The following SMAP1 variants were observed in gnomAD, a reference collection of about 807,000 sequenced individuals.
SMAP1 encodes stromal membrane-associated protein 1.
Under a neutral mutation model 58.5 loss-of-function variants are expected in SMAP1, and 24 were observed. The ratio of observed to expected loss-of-function variants is 0.41; its 90% CI spans 0.30 to 0.58. The LOEUF is 0.58. SMAP1 is among the 20% of genes least tolerant of loss of function. The probability of loss-of-function intolerance (pLI) is 0.29; values close to 1 mark genes in which losing one functional copy is unlikely to be tolerated. For synonymous variants in SMAP1, 216 were observed against 196.6 expected (o/e 1.10, Z -0.82); for missense variants, 563 against 566.3 (o/e 0.99, Z 0.06).
At chr6:70,731,407 C>T (rs1389771686) in intron 1 of SMAP1, among the ~76,000 whole-genome samples, 1 of 152,130 alleles carries the variant, frequency 6.6e-6, no homozygotes, top group Non-Finnish European at 1.5e-5. Context: ...AACTGAAGAA[C>T]TAACATTTTG....
At chr6:70,676,015 T>A (rs950623669) in intron 1 of SMAP1, among the ~76,000 whole-genome samples, 2 of 152,236 alleles carry the variant, frequency 1.3e-5, no homozygotes, top group African/African-American at 4.8e-5. Context: ...GAGTCTCTGA[T>A]GAGCATCCCT....
intron 1 of SMAP1, among the ~76,000 whole-genome samples, chr6:70,713,347 A>G (rs1311379469): frequency 6.6e-6 from 1 of 151,898 alleles, no homozygotes; most frequent in Non-Finnish European, 1.5e-5. Context: ...CTTGAGGTGT[A>G]TAGTTAGGTT....
intron 1 of SMAP1, among the ~76,000 whole-genome samples, chr6:70,686,403 A>G (rs920269065): frequency 6.6e-6 from 1 of 152,192 alleles, no homozygotes; most frequent in Admixed American, 6.5e-5. Flanking sequence ...TTTGTTTCGC[A>G]GCGGAAGGAA....
At chr6:70,832,682 A>G (rs1431142184) in intron 6 of SMAP1, among the ~76,000 whole-genome samples, 1 of 152,162 alleles carries the variant, frequency 6.6e-6, no homozygotes, top group Non-Finnish European at 1.5e-5. Context: ...GTATCATCCC[A>G]TGGTTGGAAG....
chr6:70,857,242 A>C, intron 9 of SMAP1: 1 of 411,888 alleles, frequency 2.4e-6, no homozygotes, highest in Non-Finnish European at 4.3e-6. Flanking sequence ...TTTGGAATTA[A>C]CAAGCTGTTC....
intron 1 of SMAP1, among the ~76,000 whole-genome samples, chr6:70,687,966 C>A (rs1485070391): frequency 6.6e-6 from 1 of 152,162 alleles, no homozygotes; most frequent in Non-Finnish European, 1.5e-5. Context: ...TGTCCCACCC[C>A]ACCCATCCAT....
intron 3 of SMAP1, among the ~76,000 whole-genome samples, chr6:70,757,518 T>C (rs1346961146): frequency 1.3e-5 from 2 of 151,644 alleles, no homozygotes; most frequent in Non-Finnish European, 2.9e-5. Flanking sequence ...AATTGACAAA[T>C]GGGATCTAAT....
chr6:70,788,472 A>T (rs1374745078), intron 4 of SMAP1, among the ~76,000 whole-genome samples: 2 of 151,380 alleles, frequency 1.3e-5, no homozygotes, highest in Admixed American at 6.6e-5. Flanking sequence ...AAAATAAAAT[A>T]AAAAAAAACT....
intron 4 of SMAP1, among the ~76,000 whole-genome samples, chr6:70,780,726 A>G (rs1285171991): frequency 1.3e-5 from 2 of 152,202 alleles, no homozygotes; most frequent in Non-Finnish European, 2.9e-5. Flanking sequence ...CTGCCACATA[A>G]TTTGCTCTTT....
chr6:70,787,839 T>G (rs1201547418), intron 4 of SMAP1, among the ~76,000 whole-genome samples: 2 of 150,618 alleles, frequency 1.3e-5, no homozygotes, highest in African/African-American at 2.4e-5. Context: ...GGAACACTTT[T>G]ACACTGTTGT....
At chr6:70,779,174 TCTTCTCCAGGGTGTAGG>T (rs1767661587) in intron 4 of SMAP1, among the ~76,000 whole-genome samples, 4 of 152,194 alleles carry the variant, frequency 2.6e-5, no homozygotes, top group Admixed American at 2.0e-4. Flanking sequence ...CAAGACTGCC[TCTTCTCCAGGGTGTAGG>T]CTTCTGCAGG....
At chr6:70,787,636 A>G (rs371778027) in intron 4 of SMAP1, among the ~76,000 whole-genome samples, 5 of 152,176 alleles carry the variant, frequency 3.3e-5, no homozygotes, top group Admixed American at 1.3e-4. Flanking sequence ...AAAAGTGGGC[A>G]AAGGATATGA....
At chr6:70,677,362 C>G (rs1766522347) in intron 1 of SMAP1, among the ~76,000 whole-genome samples, 1 of 148,338 alleles carries the variant, frequency 6.7e-6, no homozygotes, top group South Asian at 2.1e-4. Context: ...TCTCTTTAAT[C>G]CTTATTGCAA....
chr6:70,839,681 A>C (rs1770729045), intron 7 of SMAP1, among the ~76,000 whole-genome samples: 1 of 152,104 alleles, frequency 6.6e-6, no homozygotes, highest in Non-Finnish European at 1.5e-5. Flanking sequence ...GAGGAGTGGG[A>C]GATGGGGTTA....
intron 5 of SMAP1, among the ~76,000 whole-genome samples, chr6:70,798,251 G>C (rs1250617506): frequency 6.6e-6 from 1 of 151,008 alleles, no homozygotes; most frequent in Non-Finnish European, 1.5e-5. Flanking sequence ...TAATAAAGAA[G>C]TCTGTTCTAT....
At chr6:70,795,229 T>C (rs1768552224) in intron 5 of SMAP1, among the ~76,000 whole-genome samples, 1 of 152,210 alleles carries the variant, frequency 6.6e-6, no homozygotes, top group African/African-American at 2.4e-5. Context: ...GATTTGTTTT[T>C]AGTGATTTCA....
At chr6:70,830,493 T>C (rs563810899) in intron 6 of SMAP1, among the ~76,000 whole-genome samples, 1 of 152,240 alleles carries the variant, frequency 6.6e-6, no homozygotes, top group African/African-American at 2.4e-5. Context: ...CTTAAATAAT[T>C]GTATCTTGTA....
intron 1 of SMAP1, among the ~76,000 whole-genome samples, chr6:70,674,115 T>A (rs1766380036): frequency 1.3e-5 from 2 of 150,918 alleles, no homozygotes; most frequent in African/African-American, 4.9e-5. Context: ...GCTTTGGCAT[T>A]TTTTTTTTCT....
chr6:70,772,256 G>T (rs768208141), intron 3 of SMAP1, among the ~76,000 whole-genome samples: 1 of 152,152 alleles, frequency 6.6e-6, no homozygotes, highest in Non-Finnish European at 1.5e-5. Context: ...TGTGTGGTCT[G>T]TCATCCCTTT....
Sources: allele counts gnomAD v4.1 joint callset (sites outside exome capture counted in the v4.1 genomes callset), GRCh38; gene constraint gnomAD v4.1.1; transcripts MANE v1.5; gene names NCBI Gene and HGNC (gene_info 2026-07-23, HGNC 2026-07-21).